The following UBE2N variants were observed in gnomAD, a reference collection of about 807,000 sequenced individuals.
UBE2N encodes ubiquitin conjugating enzyme E2 N.
For synonymous variants in UBE2N, 70 were observed against 69.2 expected (o/e 1.01, Z -0.06); for missense variants, 60 against 192.1 (o/e 0.31, Z 4.07).
chr12:93,414,807 C>T (rs1878151727), intron 1 of UBE2N, among the ~76,000 whole-genome samples: 1 of 152,208 alleles, frequency 6.6e-6, no homozygotes, highest in African/African-American at 2.4e-5. Context: ...TTTATCTCCA[C>T]AGCACTACTA....
At position 93,408,330 on chromosome 12, in the gene UBE2N, A is replaced by C. The variant is rs913271760; in HGVS notation, c.*1709T>G. 6.6e-6 allele frequency: 1 copy of C among 152,234 alleles called. No homozygotes were observed. The highest frequency in any genetic ancestry group is 2.4e-5 in the African/African-American group (1 of 41,456). The allele number at this position is 152,234 out of a possible 1,614,324, so 9.4% of individuals were successfully genotyped here. On this transcript the variant is annotated 3_prime_UTR_variant, in exon 4 of 4. Transcript: ENST00000318066. Reference sequence around the variant, plus strand: ...ACATTTGTTACCAAGCAATGCATTTATTTGGAAGGATACCAGTTACCAGTC... The same window carrying C: ...ACATTTGTTACCAAGCAATGCATTTCTTTGGAAGGATACCAGTTACCAGTC...
intron 1 of UBE2N, among the ~76,000 whole-genome samples, chr12:93,433,972 C>G (rs1365631406): frequency 6.6e-6 from 1 of 152,184 alleles, no homozygotes; most frequent in Non-Finnish European, 1.5e-5. Flanking sequence ...AAATTCCTCA[C>G]CAGAGAAAGA....
At chr12:93,418,818 T>C (rs1878303586) in intron 1 of UBE2N, among the ~76,000 whole-genome samples, 1 of 152,202 alleles carries the variant, frequency 6.6e-6, no homozygotes, top group Non-Finnish European at 1.5e-5. Context: ...ATGAAATCAG[T>C]ATGAAATTAA....
At chr12:93,432,751 A>C (rs1878808667) in intron 1 of UBE2N, among the ~76,000 whole-genome samples, 2 of 152,304 alleles carry the variant, frequency 1.3e-5, no homozygotes, top group South Asian at 4.1e-4. Context: ...AAATCTAAAG[A>C]CAACATAGCC....
chr12:93,414,147 C>T (rs1239463846), intron 1 of UBE2N, among the ~76,000 whole-genome samples: 2 of 149,624 alleles, frequency 1.3e-5, no homozygotes, highest in South Asian at 2.1e-4. Context: ...GGTGACAGGG[C>T]GAGACTCCAT....
chr12:93,441,906 C>T lies in UBE2N; in HGVS notation c.-22G>A, dbSNP rs1879130325. ...CCATCTTGTCAGAACCCGAGTTCGG[C>T]CTCTGGTCTCGTCTCCGGCTCCTCT... is the stretch of plus-strand genomic sequence containing the variant. On this transcript the variant is annotated 5_prime_UTR_variant, in exon 1 of 4. Transcript: ENST00000318066. 3 of 1,571,956 alleles carry T rather than the reference C, an allele frequency of 1.9e-6. No individual in the cohort carries two copies. The highest frequency in any genetic ancestry group is 2.6e-6 in the Non-Finnish European group (3 of 1,161,742).
intron 1 of UBE2N, among the ~76,000 whole-genome samples, chr12:93,432,541 TAAGA>T (rs1878802815): frequency 6.6e-6 from 1 of 151,868 alleles, no homozygotes; most frequent in Non-Finnish European, 1.5e-5. Context: ...GCTATAATCT[TAAGA>T]AAGTTACAGA....
rs1877983070 is a variant in UBE2N, at chr12:93,409,864, G to C, written c.*175C>G. ...TAGCCTCTGCTCATGCTTTATGACA[G>C]TGAATCAGGACAAGACATAGATTTG... On this transcript the variant is annotated 3_prime_UTR_variant, in exon 4 of 4. Transcript: ENST00000318066. 3 of 655,642 alleles carry C rather than the reference G, an allele frequency of 4.6e-6. 1 individual carries two copies. The Admixed American group carries it at 9.3e-5, about 20-fold the overall frequency. 40.6% of individuals were successfully genotyped at this position (655,642 alleles called of 1,614,324 possible). A position where few individuals can be genotyped will look rare whatever the true frequency, so the allele number is the denominator to read the frequency against.
At chr12:93,441,513 G>C (rs1019643250) in intron 1 of UBE2N, among the ~76,000 whole-genome samples, 1 of 152,174 alleles carries the variant, frequency 6.6e-6, no homozygotes, top group South Asian at 2.1e-4. Context: ...TCCGGCGGGG[G>C]GGTGGTCTCA....
rs536744643 is a variant in UBE2N at position 93,435,599 on chromosome 12, C to G, written c.30+6256G>C. On this transcript the variant is annotated intron_variant, in intron 1 of 3. Coordinates refer to ENST00000318066, the MANE Select transcript of UBE2N (RefSeq NM_003348.4). ...CGAGATTGTGCCATTGCACTCCAGG[C>G]TGGGCAACAAAGCAAGACTCCCGTC... is the stretch of plus-strand genomic sequence containing the variant. Among the ~76,000 whole-genome samples, 3 of 152,290 alleles carry G rather than the reference C, an allele frequency of 2.0e-5. No homozygotes were observed. The East Asian group carries it at 5.8e-4, about 29-fold the overall frequency.
intron 1 of UBE2N, among the ~76,000 whole-genome samples, chr12:93,422,473 G>A (rs1034124880): frequency 6.6e-6 from 1 of 152,202 alleles, no homozygotes; most frequent in Non-Finnish European, 1.5e-5. Flanking sequence ...TGGGACTGCT[G>A]TGTGCCATGG....
At chr12:93,432,533 T>C (rs538494053) in intron 1 of UBE2N, among the ~76,000 whole-genome samples, 1 of 151,398 alleles carries the variant, frequency 6.6e-6, no homozygotes, top group South Asian at 2.1e-4. Flanking sequence ...GAGTATAAGC[T>C]ATAATCTTAA....
chr12:93,424,952 T>C (rs1221699306), intron 1 of UBE2N, among the ~76,000 whole-genome samples: 1 of 152,236 alleles, frequency 6.6e-6, no homozygotes, highest in Non-Finnish European at 1.5e-5. Flanking sequence ...TAAATGAACT[T>C]TGTTTCGTTT....
intron 1 of UBE2N, among the ~76,000 whole-genome samples, chr12:93,440,876 T>C (rs1422971566): frequency 6.6e-6 from 1 of 152,140 alleles, no homozygotes; most frequent in Non-Finnish European, 1.5e-5. Flanking sequence ...CAAAACACAG[T>C]ATTCATAAAC....
intron 1 of UBE2N, among the ~76,000 whole-genome samples, chr12:93,423,137 G>A (rs1474714878): frequency 2.0e-5 from 3 of 152,192 alleles, no homozygotes; most frequent in African/African-American, 7.2e-5. Context: ...TAATCACACC[G>A]CACACACTGT....
At chr12:93,429,658 CATGTGTGTTACTGCCCCTG>C (rs1374917605) in intron 1 of UBE2N, among the ~76,000 whole-genome samples, 1 of 151,854 alleles carries the variant, frequency 6.6e-6, no homozygotes, top group Non-Finnish European at 1.5e-5. Context: ...ATGACAGCTC[CATGTGTGTTACTGCCCCTG>C]AAGACCTTCG....
intron 1 of UBE2N, among the ~76,000 whole-genome samples, chr12:93,440,859 T>C (rs918568740): frequency 2.6e-5 from 4 of 152,220 alleles, no homozygotes; most frequent in Non-Finnish European, 5.9e-5. Flanking sequence ...GTTCCATACA[T>C]ACTTGTCAAA....
intron 1 of UBE2N, chr12:93,441,088 CCCCAGCCTTGTGTTAAAACTATT>C: frequency 6.5e-6 from 1 of 153,116 alleles, no homozygotes; most frequent in Middle Eastern, 2.7e-3. Flanking sequence ...TGCGGCCCTC[CCCCAGCCTTGTGTTAAAACTATT>C]TCCTCGGAAC....
At chr12:93,420,462 T>C (rs565223178) in intron 1 of UBE2N, among the ~76,000 whole-genome samples, 2 of 152,234 alleles carry the variant, frequency 1.3e-5, no homozygotes, top group Non-Finnish European at 1.5e-5. Flanking sequence ...AGTCTAAAAG[T>C]TTCTCCCTTG....
Sources: gnomAD v4.1 joint callset for allele counts (sites outside exome capture counted in the v4.1 genomes callset) on GRCh38, gnomAD v4.1.1 for gene constraint, MANE v1.5 for transcripts, NCBI Gene and HGNC (gene_info 2026-07-23, HGNC 2026-07-21) for gene names.